CAMK1D: variants seen among roughly 807,000 people sequenced by gnomAD.
The protein encoded by CAMK1D is calcium/calmodulin-dependent protein kinase type 1D.
CAMK1D carries 9 observed loss-of-function variants against 47.7 expected under a neutral mutation model. The observed-to-expected ratio is 0.19, with a 90% CI of 0.11 to 0.33. The LOEUF (loss-of-function observed/expected upper bound fraction) is 0.33, where lower values mean the gene tolerates loss of function less well. Ranked by LOEUF, CAMK1D falls within the 10% of genes least tolerant of loss-of-function variation. The pLI, the probability that CAMK1D is intolerant of heterozygous loss-of-function variation, is 1.00. For synonymous variants in CAMK1D, 184 were observed against 184.9 expected (o/e 0.99, Z 0.04); for missense variants, 291 against 488.7 (o/e 0.60, Z 3.81).
chr10:12,465,159 C>G (rs560527689), intron 1 of CAMK1D, among the ~76,000 whole-genome samples: 2 of 152,240 alleles, frequency 1.3e-5, no homozygotes, highest in East Asian at 3.9e-4. Context: ...AGTGGGGCAG[C>G]ATTTCTTTAC....
chr10:12,525,807 G>T lies in CAMK1D; in HGVS notation c.93-27418G>T, dbSNP rs553332501. Among the ~76,000 whole-genome samples, 7 of 152,220 alleles carry T rather than the reference G, an allele frequency of 4.6e-5. No homozygotes were observed. The East Asian group carries it at 1.2e-3, about 25-fold the overall frequency. ...AGGTCTTGCTCTGTTGCCCAAACTG[G>T]AATGTAGTGGCGTGATCTCCGCTCA... On this transcript the variant is annotated intron_variant, in intron 1 of 10. Coordinates refer to ENST00000619168, the MANE Select transcript of CAMK1D (RefSeq NM_153498.4).
intron 1 of CAMK1D, among the ~76,000 whole-genome samples, chr10:12,392,018 A>ACAC (rs1383103500): frequency 7.7e-4 from 74 of 95,792 alleles, no homozygotes; most frequent in African/African-American, 2.7e-3. Context: ...CACACACACA[A>ACAC]ACAGTCTGGG....
intron 5 of CAMK1D, among the ~76,000 whole-genome samples, chr10:12,788,232 CCAGGATG>C (rs1464856379): frequency 6.6e-6 from 1 of 152,014 alleles, no homozygotes; most frequent in Non-Finnish European, 1.5e-5. Context: ...CTCTTGTTGC[CCAGGATG>C]GAGTGCAATG....
intron 1 of CAMK1D, among the ~76,000 whole-genome samples, chr10:12,393,145 C>T (rs950221954): frequency 3.3e-5 from 5 of 151,956 alleles, no homozygotes; most frequent in African/African-American, 9.7e-5. Context: ...CATTCTCCTG[C>T]CTCAGCCTCC....
At chr10:12,465,817 G>C (rs1238297510) in intron 1 of CAMK1D, among the ~76,000 whole-genome samples, 1 of 152,204 alleles carries the variant, frequency 6.6e-6, no homozygotes, top group African/African-American at 2.4e-5. Context: ...TAAATGCAAA[G>C]TCATCTCTTG....
chr10:12,518,275 T>C (rs1437042367), intron 1 of CAMK1D, among the ~76,000 whole-genome samples: 2 of 152,234 alleles, frequency 1.3e-5, no homozygotes, highest in Admixed American at 6.5e-5. Flanking sequence ...ACCTTTGCAC[T>C]ATAATGGCAG....
At chr10:12,573,826 A>G (rs1391083420) in intron 2 of CAMK1D, among the ~76,000 whole-genome samples, 1 of 106,508 alleles carries the variant, frequency 9.4e-6, no homozygotes, top group African/African-American at 4.3e-5. Context: ...GGCTTATTAA[A>G]AAAACTTTTT....
chr10:12,381,314 C>G (rs1206885949), intron 1 of CAMK1D, among the ~76,000 whole-genome samples: 1 of 150,498 alleles, frequency 6.6e-6, no homozygotes, highest in Non-Finnish European at 1.5e-5. Context: ...TAAAAAATGT[C>G]GGAAGGACTA....
chr10:12,445,501 G>A (rs1004167358), intron 1 of CAMK1D, among the ~76,000 whole-genome samples: 8 of 152,154 alleles, frequency 5.3e-5, no homozygotes, highest in African/African-American at 1.7e-4. Context: ...TTCAATGTTA[G>A]CATTGCCCTT....
chr10:12,785,920 G>A (rs1588925307), intron 5 of CAMK1D, among the ~76,000 whole-genome samples: 1 of 152,238 alleles, frequency 6.6e-6, no homozygotes, highest in African/African-American at 2.4e-5. Context: ...CACAGGAGGC[G>A]AGCAGGAGAG....
chr10:12,570,680 C>CAAAAAAA (rs35160242), intron 2 of CAMK1D, among the ~76,000 whole-genome samples: 1 of 84,574 alleles, frequency 1.2e-5, no homozygotes, highest in African/African-American at 4.0e-5. Context: ...AACTCCATCT[C>CAAAAAAA]AAAAAAAAAA....
chr10:12,746,839 G>T (rs1479801704), intron 3 of CAMK1D, among the ~76,000 whole-genome samples: 1 of 152,098 alleles, frequency 6.6e-6, no homozygotes, highest in Non-Finnish European at 1.5e-5. Context: ...GGCGTCTGAG[G>T]TTCCTACATT....
rs540163597 is a variant in CAMK1D, at chr10:12,361,700, C to T, written c.92+11790C>T. 1.6e-3 allele frequency among the ~76,000 whole-genome samples: 238 copies of T among 151,440 alleles called. 2 individuals carry two copies. Among genetic ancestry groups the T allele is most frequent in the Admixed American group, 3.2e-3 (48 of 15,168 alleles). ...CCTCCCGAGTAGCTGGGATTACAGG[C>T]GCCCACCACCACGCCTGGCTAATTT... is the stretch of plus-strand genomic sequence containing the variant. On this transcript the variant is annotated intron_variant, in intron 1 of 10. Coordinates refer to ENST00000619168, the MANE Select transcript of CAMK1D (RefSeq NM_153498.4).
chr10:12,580,259 C>G (rs1837620962), intron 2 of CAMK1D, among the ~76,000 whole-genome samples: 1 of 151,678 alleles, frequency 6.6e-6, no homozygotes, highest in Admixed American at 6.6e-5. Context: ...ACTAGTTTCA[C>G]TAACAGATGT....
chr10:12,665,629 T>G (rs1393390170), intron 2 of CAMK1D, among the ~76,000 whole-genome samples: 1 of 152,232 alleles, frequency 6.6e-6, no homozygotes, highest in Non-Finnish European at 1.5e-5. Context: ...ATTATCACCT[T>G]GAGTAATGAA....
At chr10:12,398,374 G>A (rs1315648840) in intron 1 of CAMK1D, among the ~76,000 whole-genome samples, 1 of 152,176 alleles carries the variant, frequency 6.6e-6, no homozygotes, top group Non-Finnish European at 1.5e-5. Flanking sequence ...TAGAGATGGA[G>A]TTTCACTCTT....
At chr10:12,371,325 C>T (rs1837999317) in intron 1 of CAMK1D, among the ~76,000 whole-genome samples, 1 of 151,952 alleles carries the variant, frequency 6.6e-6, no homozygotes, top group African/African-American at 2.4e-5. Flanking sequence ...ACCTGTAATC[C>T]CAGCACTTTG....
At chr10:12,718,677 A>G (rs958434382) in intron 3 of CAMK1D, among the ~76,000 whole-genome samples, 2 of 152,216 alleles carry the variant, frequency 1.3e-5, no homozygotes, top group Non-Finnish European at 2.9e-5. Context: ...TAATGATTTA[A>G]AAACAGGTTA....
chr10:12,392,170 T>C (rs1382889117), intron 1 of CAMK1D, among the ~76,000 whole-genome samples: 1 of 151,992 alleles, frequency 6.6e-6, no homozygotes, highest in African/African-American at 2.4e-5. Context: ...GGTGCAGTGG[T>C]GTGCACCTTT....
Sources: gnomAD v4.1 joint callset for allele counts (sites outside exome capture counted in the v4.1 genomes callset) on GRCh38, gnomAD v4.1.1 for gene constraint, MANE v1.5 for transcripts, NCBI Gene and HGNC (gene_info 2026-07-23, HGNC 2026-07-21) for gene names.